Variants in FBLIM1 observed in about 807,000 individuals in gnomAD.
FBLIM1 encodes filamin-binding LIM protein 1.
Under a neutral mutation model 37.4 loss-of-function variants are expected in FBLIM1, and 29 were observed. That is an observed-to-expected ratio of 0.77 (90% CI 0.58 to 1.06). The LOEUF is 1.06. Ranked by LOEUF, FBLIM1 falls within the 50% of genes least tolerant of loss-of-function variation. The pLI, the probability that FBLIM1 is intolerant of heterozygous loss-of-function variation, is 0.00. For synonymous variants in FBLIM1, 193 were observed against 199.0 expected (o/e 0.97, Z 0.25); for missense variants, 449 against 505.6 (o/e 0.89, Z 1.07).
chr1:15,764,779 G>T, intron 2 of FBLIM1, 94 bp downstream of exon 2: 1 of 719,056 alleles, frequency 1.4e-6, no homozygotes, highest in East Asian at 2.7e-5. Flanking sequence ...GTTCCCTGGT[G>T]GGTCCTGTCT....
At position 15,770,560 on chromosome 1, in the gene FBLIM1, C is replaced by A. The variant is rs1557696340; in HGVS notation, c.693C>A (p.Leu231=). The A allele has an allele frequency of 6.2e-7, 1 of 1,613,816 alleles. No homozygotes were observed. Among genetic ancestry groups the A allele is most frequent in the African/African-American group, 1.3e-5 (1 of 74,946 alleles). ...TCTACCAGAAGGATGGGCGACCCCT[C>A]TGCGAACCCTGCTACCAGGTAACCC... The part of the protein sequence containing the change: ...QSFYQKDGRP[L]CEPCYQDTLE... Residue 231 remains leucine, a synonymous_variant, in exon 6 of 9, where the codon CTC becomes CTA. Transcript: ENST00000375766.
chr1:15,766,104 T>A (rs1214705456), intron 3 of FBLIM1, among the ~76,000 whole-genome samples: 2 of 141,334 alleles, frequency 1.4e-5, no homozygotes, highest in Non-Finnish European at 3.0e-5. Flanking sequence ...AGAATTTGCA[T>A]TTTTTTTTTT....
At chr1:15,761,099 G>C (rs750494479) in intron 1 of FBLIM1, among the ~76,000 whole-genome samples, 2 of 152,146 alleles carry the variant, frequency 1.3e-5, no homozygotes, top group Non-Finnish European at 2.9e-5. Flanking sequence ...CCGACTTCCC[G>C]GAGGAGTGTA....
chr1:15,783,568 T>G lies in FBLIM1; in HGVS notation c.1009-980T>G, dbSNP rs541465131. Among the ~76,000 whole-genome samples the G allele has an allele frequency of 9.3e-5, 13 of 140,286 alleles. No individual in the cohort carries two copies. The South Asian group carries it at 9.9e-4, about 11-fold the overall frequency. 92.0% of individuals were successfully genotyped at this position (140,286 alleles called of 152,430 possible). A position where few individuals can be genotyped will look rare whatever the true frequency, so the allele number is the denominator to read the frequency against. ...GGTTCCTGTCTCGTAGAACTTACGT[T>G]CTTTTTTTTTTTTTTTTTTTTTTTT... On this transcript the variant is annotated intron_variant, in intron 8 of 8. Coordinates refer to ENST00000375766, the MANE Select transcript of FBLIM1 (RefSeq NM_017556.4).
rs564352640 is a variant in FBLIM1 at position 15,765,577 on chromosome 1, C to T, written c.250+344C>T. 4.6e-5 allele frequency among the ~76,000 whole-genome samples: 7 copies of T among 151,956 alleles called. No individual in the cohort carries two copies. Among genetic ancestry groups the T allele is most frequent in the Middle Eastern group, 3.4e-3 (1 of 294 alleles). On this transcript the variant is annotated intron_variant, in intron 3 of 8. Coordinates refer to ENST00000375766, the MANE Select transcript of FBLIM1 (RefSeq NM_017556.4). This position sits in a 1 kb window ranked among gnomAD's most constrained non-coding sequence, Gnocchi z 5.9. The stretch of plus-strand genomic sequence containing the variant: ...CAATTTAATACCCTCAAGCAGAGCA[C>T]GGGGATCTTGGGGTTCAGTCTCCCT...
intron 8 of FBLIM1, among the ~76,000 whole-genome samples, chr1:15,781,522 A>T (rs1475850333): frequency 6.9e-5 from 2 of 28,812 alleles, no homozygotes; most frequent in Non-Finnish European, 1.5e-4. Context: ...CTCTGTCTCA[A>T]AAAAAAAAAA....
Position 15,758,847 on chromosome 1 carries a change from A to T in FBLIM1, c.-212A>T. 1 of 87,660 alleles carries T rather than the reference A, an allele frequency of 1.1e-5. No individual in the cohort carries two copies. The highest frequency in any genetic ancestry group is 2.2e-5 in the Non-Finnish European group (1 of 45,310). The allele number at this position is 87,660 out of a possible 1,614,324, so 5.4% of individuals were successfully genotyped here. On this transcript the variant is annotated splice_region_variant and 5_prime_UTR_variant, in exon 1 of 9. Coordinates refer to ENST00000375766, the MANE Select transcript of FBLIM1 (RefSeq NM_017556.4). The surrounding 1 kb of genome is among the most constrained non-coding windows in gnomAD (Gnocchi z 6.2). ...GGAGCCGCCGGGGCGCGGGCGGCCC[A>T]GGTAAGCGGGCCGGGTGGGTGGGGG...
rs574628087 is a variant in FBLIM1, at chr1:15,777,096, C to T, written c.891-74C>T. 1.3e-4 allele frequency: 166 copies of T among 1,231,804 alleles called. 1 individual carries two copies. In the East Asian group the frequency reaches 1.6e-3, roughly 12 times the overall value. The allele number at this position is 1,231,804 out of a possible 1,614,324, so 76.3% of individuals were successfully genotyped here. On this transcript the variant is annotated intron_variant, in intron 7 of 8. Transcript: ENST00000375766. ...CTCAGGAGGTGAACACCAGCCAGCC[C>T]GAGTTCTGACAGCTAATTAATTTCT... is the stretch of plus-strand genomic sequence containing the variant.
chr1:15,785,853 A>G lies in FBLIM1; in HGVS notation c.*1192A>G, dbSNP rs2069756395. On this transcript the variant is annotated 3_prime_UTR_variant, in exon 9 of 9. Transcript: ENST00000375766. ...CAAGAGGAGAGGGTGGTCCGCAGACACCCCGGGATGTCAGCATCCCCCGAC... is the reference window on the plus strand; with the variant it reads ...CAAGAGGAGAGGGTGGTCCGCAGACGCCCCGGGATGTCAGCATCCCCCGAC... 6.6e-6 allele frequency: 1 copy of G among 152,128 alleles called. No homozygotes were observed. The highest frequency in any genetic ancestry group is 2.4e-5 in the African/African-American group (1 of 41,402). The allele number at this position is 152,128 out of a possible 1,614,324, so 9.4% of individuals were successfully genotyped here. A position where few individuals can be genotyped will look rare whatever the true frequency, so the allele number is the denominator to read the frequency against.
chr1:15,757,195 T>A (rs1004342461), upstream of FBLIM1, among the ~76,000 whole-genome samples: 1 of 152,180 alleles, frequency 6.6e-6, no homozygotes, highest in African/African-American at 2.4e-5. This position sits in a 1 kb window ranked among gnomAD's most constrained non-coding sequence, Gnocchi z 4.1. Context: ...CACAGAACTC[T>A]CAGCACCTCC....
At chr1:15,759,014 C>T in intron 1 of FBLIM1, among the ~76,000 whole-genome samples, 166 bp downstream of exon 1, 1 of 152,054 alleles carries the variant, frequency 6.6e-6, no homozygotes, top group Non-Finnish European at 1.5e-5. Flanking sequence ...GTCCTCACGC[C>T]CTTTGCGTCC....
chr1:15,764,066 A>G (rs1287438019), intron 1 of FBLIM1, among the ~76,000 whole-genome samples: 1 of 152,090 alleles, frequency 6.6e-6, no homozygotes, highest in Non-Finnish European at 1.5e-5. Context: ...CCCAGGCCTG[A>G]ACCAGGACCC....
rs533884826 is a variant in FBLIM1, at chr1:15,761,183, C to T, written c.-211+2335C>T. On this transcript the variant is annotated intron_variant, in intron 1 of 8. Coordinates refer to ENST00000375766, the MANE Select transcript of FBLIM1 (RefSeq NM_017556.4). ...CCACAGCAGCCCCTGGGGACCAGCC[C>T]GGAACATGCCGACCACAAGATTTCT... Among the ~76,000 whole-genome samples, 16 of 152,294 alleles carry T rather than the reference C, an allele frequency of 1.1e-4. No individual in the cohort carries two copies. In the South Asian group the frequency reaches 2.9e-3, roughly 28 times the overall value.
At chr1:15,776,596 G>A (rs1251876674) in intron 7 of FBLIM1, among the ~76,000 whole-genome samples, 1 of 150,894 alleles carries the variant, frequency 6.6e-6, no homozygotes, top group Non-Finnish European at 1.5e-5. Flanking sequence ...TGGGCACAGT[G>A]GCTCACGCCT....
chr1:15,774,755 G>C lies in FBLIM1; in HGVS notation c.849G>C (p.Leu283=). The C allele has an allele frequency of 6.2e-7, 1 of 1,614,168 alleles. No homozygotes were observed. The highest frequency in any genetic ancestry group is 8.5e-7 in the Non-Finnish European group (1 of 1,180,026). Residue 283 remains leucine, a synonymous_variant, in exon 7 of 9, where the codon CTG becomes CTC. Transcript: ENST00000375766. ...ARCIGDESFA[L]GSQNEVYCLD... is the part of the protein sequence containing the mutation. ...GCATTGGGGATGAGAGCTTTGCCCT[G>C]GGCAGCCAGAACGAGGTGTACTGCC...
intron 8 of FBLIM1, among the ~76,000 whole-genome samples, chr1:15,779,436 C>T (rs1283612823): frequency 6.6e-6 from 1 of 151,996 alleles, no homozygotes; most frequent in African/African-American, 2.4e-5. Flanking sequence ...TACCAAGCAG[C>T]TGGGACTACA....
rs755461474 is a variant in FBLIM1 at position 15,784,638 on chromosome 1, C to A, written c.1099C>A (p.Arg367=). The A allele has an allele frequency of 1.2e-6, 2 of 1,614,118 alleles. No individual in the cohort carries two copies. Among genetic ancestry groups the A allele is most frequent in the Non-Finnish European group, 1.7e-6 (2 of 1,179,974 alleles). The change falls in exon 9 of 9, where the codon CGG becomes AGG. Residue 367 remains arginine, a synonymous_variant. Transcript: ENST00000375766. ...CTTCTGCAAGCCATGCCATGTGAAG[C>A]GGAGTGCTGCGGGGTGCTGCTGAGA... ...HLFCKPCHVK[R]SAAGCC
chr1:15,781,810 C>T (rs548034582), intron 8 of FBLIM1, among the ~76,000 whole-genome samples: 2 of 149,706 alleles, frequency 1.3e-5, no homozygotes, highest in Non-Finnish European at 3.0e-5. Context: ...GCTGCACCTC[C>T]CGGGTTCACG....
intron 1 of FBLIM1, among the ~76,000 whole-genome samples, chr1:15,764,038 C>T (rs572584368): frequency 6.6e-6 from 1 of 152,204 alleles, no homozygotes; most frequent in Non-Finnish European, 1.5e-5. Context: ...CATCTCTCCC[C>T]TTGCCCCCTG....
Sources: allele counts gnomAD v4.1 joint callset (sites outside exome capture counted in the v4.1 genomes callset), GRCh38; gene constraint gnomAD v4.1.1; non-coding constraint Gnocchi (gnomAD v3.1); transcripts MANE v1.5; gene names NCBI Gene and HGNC (gene_info 2026-07-23, HGNC 2026-07-21).